Variants in BMP8A observed in about 807,000 individuals in gnomAD.
The protein encoded by BMP8A is BMP-8A.
A neutral mutation model predicts 36.8 loss-of-function variants in BMP8A; 14 were observed. That is an observed-to-expected ratio of 0.38 (90% CI 0.25 to 0.60). The LOEUF (loss-of-function observed/expected upper bound fraction) is 0.60. Ranked by LOEUF, BMP8A falls within the 20% of genes least tolerant of loss-of-function variation. The pLI, the probability that BMP8A is intolerant of heterozygous loss-of-function variation, is 0.63. For missense variants in BMP8A, 267 were observed against 551.1 expected (o/e 0.48, Z 5.16); for synonymous variants, 120 against 237.7 (o/e 0.50, Z 4.55).
intron 6 of BMP8A, 37 bp from the exon 7 acceptor site, chr1:39,525,612 G>A: frequency 6.2e-7 from 1 of 1,609,926 alleles, no homozygotes; most frequent in Non-Finnish European, 8.5e-7. Context: ...GGAGGCCACT[G>A]GCCTCATGCC....
Position 39,525,803 on chromosome 1 carries a change from G to A in BMP8A, c.*5G>A, listed in dbSNP as rs2230006. The A allele has an allele frequency of 0.16, 259,212 of 1,613,524 alleles. 22,741 individuals carry two copies. Among genetic ancestry groups the A allele is most frequent in the Non-Finnish European group, 0.18 (212,172 of 1,179,860 alleles). On this transcript the variant is annotated 3_prime_UTR_variant, in exon 7 of 7. Transcript: ENST00000331593. The stretch of plus-strand genomic sequence containing the variant: ...AAGGCCTGCGGCTGCCACTGAGTCA[G>A]CCCGCCCAGCCCTACTGCAGCCACC...
chr1:39,529,084 G>A lies in BMP8A; in HGVS notation c.*3286G>A, dbSNP rs1645510680. 6.6e-6 allele frequency: 1 copy of A among 152,302 alleles called. No individual in the cohort carries two copies. Among genetic ancestry groups the A allele is most frequent in the Non-Finnish European group, 1.5e-5 (1 of 68,104 alleles). 9.4% of individuals were successfully genotyped at this position (152,302 alleles called of 1,614,324 possible). On this transcript the variant is annotated 3_prime_UTR_variant, in exon 7 of 7. Coordinates refer to ENST00000331593, the MANE Select transcript of BMP8A (RefSeq NM_181809.4). Reference sequence around the variant, plus strand: ...TGTGCCCGTTCCTTCCTCCGTAGAAGAGGGTGCTGGTCCTGCCCTTTTGAG... The same window carrying A: ...TGTGCCCGTTCCTTCCTCCGTAGAAAAGGGTGCTGGTCCTGCCCTTTTGAG...
chr1:39,515,739 G>T, intron 3 of BMP8A: 1 of 1,577,176 alleles, frequency 6.3e-7, no homozygotes, highest in Non-Finnish European at 8.7e-7. Context: ...TATGTAGGTC[G>T]CGTGATAAAG....
chr1:39,509,354 G>T (rs114959869), intron 1 of BMP8A, among the ~76,000 whole-genome samples: 1 of 152,176 alleles, frequency 6.6e-6, no homozygotes, highest in Non-Finnish European at 1.5e-5. Flanking sequence ...CACCCAAGTC[G>T]TGTTGTGTGA....
intron 3 of BMP8A, chr1:39,515,565 C>T (rs981704835): frequency 2.8e-5 from 39 of 1,402,030 alleles, no homozygotes; most frequent in Admixed American, 2.2e-4. Flanking sequence ...GCGCGCCATC[C>T]GGGCAGACTT....
intron 1 of BMP8A, among the ~76,000 whole-genome samples, chr1:39,494,667 T>C (rs958510621): frequency 2.0e-5 from 3 of 152,202 alleles, no homozygotes; most frequent in Admixed American, 6.5e-5. Context: ...GTGTGAACTT[T>C]CACAGCCTTA....
rs1570327769 is a variant in BMP8A, at chr1:39,529,671, C to A, written c.*3873C>A. On this transcript the variant is annotated 3_prime_UTR_variant, in exon 7 of 7. Transcript: ENST00000331593. ...AAACCAGAATACAAACACCCATAAT[C>A]AATCACAGAGATAACCACTGTTCAT... Among the ~76,000 whole-genome samples, 1 of 152,340 alleles carries A rather than the reference C, an allele frequency of 6.6e-6. No individual in the cohort carries two copies. The highest frequency in any genetic ancestry group is 1.9e-4 in the East Asian group (1 of 5,192).
intron 1 of BMP8A, among the ~76,000 whole-genome samples, chr1:39,496,356 G>A (rs1476710205): frequency 6.7e-6 from 1 of 150,154 alleles, no homozygotes; most frequent in Non-Finnish European, 1.5e-5. Context: ...GCCCCATCGG[G>A]AAACAGGAGG....
chr1:39,512,742 AAGG>A (rs1303876100), intron 3 of BMP8A, among the ~76,000 whole-genome samples: 2 of 152,200 alleles, frequency 1.3e-5, no homozygotes, highest in East Asian at 3.9e-4. Flanking sequence ...GGTGAAAGGG[AAGG>A]AGAAGGCCAC....
chr1:39,492,424 T>C, intron 1 of BMP8A, 99 bp downstream of exon 1: 1 of 1,372,466 alleles, frequency 7.3e-7, no homozygotes, highest in East Asian at 3.0e-5. Context: ...GAACGGGGAA[T>C]CACAGACGGT....
At chr1:39,504,422 A>G (rs1168189064) in intron 1 of BMP8A, among the ~76,000 whole-genome samples, 1 of 152,238 alleles carries the variant, frequency 6.6e-6, no homozygotes, top group Non-Finnish European at 1.5e-5. Context: ...TCTGTGTCAT[A>G]AATAAGTTTA....
intron 1 of BMP8A, among the ~76,000 whole-genome samples, chr1:39,507,245 A>G (rs990168787): frequency 1.3e-5 from 2 of 152,202 alleles, no homozygotes; most frequent in African/African-American, 4.8e-5. Flanking sequence ...GCCTATCTGA[A>G]TCTGACAGGG....
At position 39,526,029 on chromosome 1, in the gene BMP8A, C is replaced by A. The variant is rs1570321245; in HGVS notation, c.*231C>A. 2 of 669,470 alleles carry A rather than the reference C, an allele frequency of 3.0e-6. No individual in the cohort carries two copies. Among genetic ancestry groups the A allele is most frequent in the South Asian group, 3.9e-5 (2 of 51,748 alleles). The allele number at this position is 669,470 out of a possible 1,614,324, so 41.5% of individuals were successfully genotyped here. A position where few individuals can be genotyped will look rare whatever the true frequency, so the allele number is the denominator to read the frequency against. On this transcript the variant is annotated 3_prime_UTR_variant, in exon 7 of 7. Transcript: ENST00000331593. Reference sequence around the variant, plus strand: ...TTTGGTGGCCTAAGGCACACAGCAGCCTCAGAGCCTGTGCTGACTGCACTG... The same window carrying A: ...TTTGGTGGCCTAAGGCACACAGCAGACTCAGAGCCTGTGCTGACTGCACTG...
chr1:39,523,346 A>G (rs1303602814), intron 6 of BMP8A, among the ~76,000 whole-genome samples: 1 of 152,238 alleles, frequency 6.6e-6, no homozygotes, highest in Non-Finnish European at 1.5e-5. Context: ...ACACGTGAAC[A>G]GTCGCGTATG....
rs1215730391 is a variant in BMP8A at position 39,527,364 on chromosome 1, A to AACAG, written c.*1572_*1575dup. 2.0e-5 allele frequency among the ~76,000 whole-genome samples: 3 copies of AACAG among 152,182 alleles called. No homozygotes were observed. Among genetic ancestry groups the AACAG allele is most frequent in the Admixed American group, 6.5e-5 (1 of 15,276 alleles). The stretch of plus-strand genomic sequence containing the variant: ...GCTAAGCCTGTAATTTACCTGCTGG[A>AACAG]ACAGACAGAGTCCAGCTGCCCAAAC... On this transcript the variant is annotated 3_prime_UTR_variant, in exon 7 of 7. Transcript: ENST00000331593.
At chr1:39,513,933 G>A (rs1383856045) in intron 3 of BMP8A, among the ~76,000 whole-genome samples, 1 of 151,996 alleles carries the variant, frequency 6.6e-6, no homozygotes, top group Non-Finnish European at 1.5e-5. Context: ...AGGACACCTG[G>A]AGGATGAGGT....
At chr1:39,500,250 C>A (rs1645241849) in intron 1 of BMP8A, among the ~76,000 whole-genome samples, 2 of 152,322 alleles carry the variant, frequency 1.3e-5, no homozygotes, top group South Asian at 2.1e-4. Context: ...CCCTTACTTT[C>A]CAGGTTTTAG....
At chr1:39,498,915 T>C (rs1380586126) in intron 1 of BMP8A, among the ~76,000 whole-genome samples, 3 of 152,184 alleles carry the variant, frequency 2.0e-5, no homozygotes, top group Non-Finnish European at 4.4e-5. Flanking sequence ...ACACCCAGAC[T>C]GGCAGTGATA....
chr1:39,502,235 C>A (rs75294750), intron 1 of BMP8A, among the ~76,000 whole-genome samples: 178 of 122,972 alleles, frequency 1.4e-3, no homozygotes, highest in Admixed American at 1.8e-3. Context: ...GAGACTGTCT[C>A]AAAAAAAAAA....
Sources: gnomAD v4.1 joint callset for allele counts (sites outside exome capture counted in the v4.1 genomes callset) on GRCh38, gnomAD v4.1.1 for gene constraint, MANE v1.5 for transcripts, NCBI Gene and HGNC (gene_info 2026-07-23, HGNC 2026-07-21) for gene names.